ANK3: variants seen among roughly 807,000 people sequenced by gnomAD.
ANK3 encodes ankyrin-3.
ANK3 carries 57 observed loss-of-function variants against 370.9 expected under a neutral mutation model. That is an observed-to-expected ratio of 0.15 (90% CI 0.12 to 0.19). The LOEUF is 0.19. Ranked by LOEUF, ANK3 falls within the 10% of genes least tolerant of loss-of-function variation. The probability of loss-of-function intolerance (pLI) is 1.00; values close to 1 mark genes in which losing one functional copy is unlikely to be tolerated. For synonymous variants in ANK3, 1,929 were observed against 1,946.3 expected, an observed-to-expected ratio of 0.99 and a Z score of 0.23; for missense variants, 4,439 against 5,302.1, an observed-to-expected ratio of 0.84 and a Z score of 5.06.
At chr10:60,572,664 A>T in intron 2 of ANK3, 4 of 1,442,908 alleles carry the variant, frequency 2.8e-6, no homozygotes, top group Middle Eastern at 1.8e-4. Context: ...GCCGCTGCTT[A>T]AACCCAGCCC....
At chr10:60,621,935 G>T (rs553174658) in intron 1 of ANK3, among the ~76,000 whole-genome samples, 2 of 152,156 alleles carry the variant, frequency 1.3e-5, no homozygotes, top group Admixed American at 1.3e-4. Flanking sequence ...CAAGCAAAAT[G>T]GTGCTGAGGC....
intron 2 of ANK3, among the ~76,000 whole-genome samples, chr10:60,553,048 T>C (rs991275155): frequency 5.3e-5 from 8 of 152,176 alleles, no homozygotes; most frequent in African/African-American, 1.9e-4. Flanking sequence ...CTTTTGAAAA[T>C]TGCCTAGTCT....
upstream of ANK3, among the ~76,000 whole-genome samples, chr10:60,390,235 A>G (rs764254130): frequency 6.6e-6 from 1 of 152,204 alleles, no homozygotes; most frequent in African/African-American, 2.4e-5. Context: ...TGAACTATCA[A>G]TCTAAATGCA....
chr10:60,079,648 T>C (rs1304656313), intron 36 of ANK3, among the ~76,000 whole-genome samples: 1 of 152,160 alleles, frequency 6.6e-6, no homozygotes, highest in Non-Finnish European at 1.5e-5. Context: ...TTTTGTATAA[T>C]TTCCCCTCAT....
At chr10:60,444,188 C>T (rs922740069) in intron 2 of ANK3, among the ~76,000 whole-genome samples, 2 of 151,782 alleles carry the variant, frequency 1.3e-5, no homozygotes, top group Non-Finnish European at 2.9e-5. Context: ...TTGTGTATCA[C>T]TAGCACTAAA....
At chr10:60,650,462 C>A (rs2133361717) in intron 1 of ANK3, among the ~76,000 whole-genome samples, 1 of 152,060 alleles carries the variant, frequency 6.6e-6, no homozygotes, top group Non-Finnish European at 1.5e-5. Flanking sequence ...AAGATCCATG[C>A]CCTTTGACAT....
At chr10:60,092,793 G>A (rs1589870985) in intron 28 of ANK3, among the ~76,000 whole-genome samples, 1 of 152,118 alleles carries the variant, frequency 6.6e-6, no homozygotes, top group Admixed American at 6.5e-5. Context: ...TGGAGTGCAG[G>A]GGCATGATCT....
intron 28 of ANK3, among the ~76,000 whole-genome samples, chr10:60,089,459 T>TTGTGTGTGTG (rs61497871): frequency 5.3e-4 from 75 of 141,630 alleles, no homozygotes; most frequent in East Asian, 1.9e-3. Context: ...TCCATCCAGG[T>TTGTGTGTGTG]TGTGTGTGTG....
intron 1 of ANK3, among the ~76,000 whole-genome samples, chr10:60,355,366 T>A (rs1321918452): frequency 6.6e-6 from 1 of 152,224 alleles, no homozygotes; most frequent in Non-Finnish European, 1.5e-5. Flanking sequence ...GATCATTTTT[T>A]TTTTAAACCT....
intron 2 of ANK3, among the ~76,000 whole-genome samples, chr10:60,593,262 C>T (rs976316877): frequency 6.6e-6 from 1 of 152,186 alleles, no homozygotes; most frequent in East Asian, 1.9e-4. Context: ...GAACTGATGA[C>T]CATTTTCCCC....
At chr10:60,481,039 A>C (rs955601102) in intron 2 of ANK3, among the ~76,000 whole-genome samples, 2 of 152,178 alleles carry the variant, frequency 1.3e-5, no homozygotes, top group African/African-American at 4.8e-5. Flanking sequence ...AGATCTTAGA[A>C]GCTAATGGCC....
chr10:60,034,599 C>T (rs2074491895), intron 43 of ANK3, among the ~76,000 whole-genome samples: 1 of 152,186 alleles, frequency 6.6e-6, no homozygotes, highest in Non-Finnish European at 1.5e-5. Flanking sequence ...CTCTTCTACC[C>T]TTCAAATTTG....
intron 1 of ANK3, among the ~76,000 whole-genome samples, chr10:60,327,015 CA>C (rs986368110): frequency 5.6e-5 from 8 of 142,998 alleles, no homozygotes; most frequent in Non-Finnish European, 1.1e-4. Context: ...GACTCCGTCT[CA>C]AAAAAAAAAG....
intron 1 of ANK3, among the ~76,000 whole-genome samples, chr10:60,352,562 T>C (rs1207382814): frequency 6.6e-6 from 1 of 152,158 alleles, no homozygotes; most frequent in Non-Finnish European, 1.5e-5. Flanking sequence ...AACTATGGTG[T>C]TTGGCATACA....
intron 2 of ANK3, among the ~76,000 whole-genome samples, chr10:60,492,689 A>G (rs1173721254): frequency 1.4e-5 from 2 of 139,628 alleles, no homozygotes; most frequent in Admixed American, 7.3e-5. Flanking sequence ...CCTGGGCAAC[A>G]CAGTGAGACT....
At chr10:60,440,477 T>G (rs1208867522) in intron 2 of ANK3, among the ~76,000 whole-genome samples, 1 of 152,036 alleles carries the variant, frequency 6.6e-6, no homozygotes, top group African/African-American at 2.4e-5. Flanking sequence ...CAAACACTCA[T>G]AAAACCAGCA....
intron 28 of ANK3, among the ~76,000 whole-genome samples, chr10:60,092,361 T>G (rs1324767352): frequency 6.6e-6 from 1 of 152,158 alleles, no homozygotes; most frequent in African/African-American, 2.4e-5. Context: ...AGGCTGAGAT[T>G]ATGGCTTATT....
chr10:60,562,833 TTTTG>T (rs2077370509), intron 2 of ANK3, among the ~76,000 whole-genome samples: 1 of 152,214 alleles, frequency 6.6e-6, no homozygotes, highest in Non-Finnish European at 1.5e-5. Flanking sequence ...AGATGGGAAT[TTTTG>T]TTTGAGACAG....
At chr10:60,493,068 A>C (rs931357691) in intron 2 of ANK3, among the ~76,000 whole-genome samples, 2 of 142,546 alleles carry the variant, frequency 1.4e-5, no homozygotes, top group African/African-American at 2.6e-5. Flanking sequence ...CGACAGAGCG[A>C]GACTCCTTCT....
Sources: allele counts gnomAD v4.1 joint callset (sites outside exome capture counted in the v4.1 genomes callset), GRCh38; gene constraint gnomAD v4.1.1; transcripts MANE v1.5; gene names NCBI Gene and HGNC (gene_info 2026-07-23, HGNC 2026-07-21).